ITPR1: variants seen among roughly 807,000 people sequenced by gnomAD.
ITPR1 encodes the protein inositol 1,4,5-trisphosphate-gated calcium channel ITPR1.
ITPR1 carries 96 observed loss-of-function variants against 318.4 expected under a neutral mutation model. The observed-to-expected ratio is 0.30, with a 90% CI of 0.26 to 0.36. ITPR1 has a LOEUF of 0.36. Among genes scored for constraint, ITPR1 ranks in the 10% least tolerant of loss-of-function variants. The pLI is 1.00. For synonymous variants in ITPR1, 1,312 were observed against 1,289.9 expected, an observed-to-expected ratio of 1.02 and a Z score of -0.37; for missense variants, 2,440 against 3,460.2, an observed-to-expected ratio of 0.71 and a Z score of 7.40.
intron 4 of ITPR1, among the ~76,000 whole-genome samples, chr3:4,571,107 A>C (rs1328157481): frequency 1.3e-5 from 2 of 152,144 alleles, no homozygotes; most frequent in Non-Finnish European, 2.9e-5. Flanking sequence ...TGTTTGTGTC[A>C]TATCTGCTGA....
At chr3:4,551,667 C>G (rs1198343072) in intron 4 of ITPR1, among the ~76,000 whole-genome samples, 1 of 152,208 alleles carries the variant, frequency 6.6e-6, no homozygotes, top group Non-Finnish European at 1.5e-5. Context: ...ACTATATTTA[C>G]AGCATGTGTT....
At chr3:4,805,712 G>A (rs145188341) in intron 54 of ITPR1, among the ~76,000 whole-genome samples, 63 of 152,304 alleles carry the variant, frequency 4.1e-4, no homozygotes, top group African/African-American at 1.3e-3. Flanking sequence ...AAATGCTTTT[G>A]ATCATGCTGA....
chr3:4,692,237 T>C (rs2094491895), intron 32 of ITPR1, among the ~76,000 whole-genome samples: 1 of 152,084 alleles, frequency 6.6e-6, no homozygotes, highest in Non-Finnish European at 1.5e-5. Flanking sequence ...GATACATTAC[T>C]TGACCTTTCA....
In ITPR1 at chr3:4,814,449, C is replaced by A; in HGVS notation, c.7588C>A (p.Gln2530Lys). 1 of 1,613,934 alleles carries A rather than the reference C, an allele frequency of 6.2e-7. No individual in the cohort carries two copies. The highest frequency in any genetic ancestry group is 8.5e-7 in the Non-Finnish European group (1 of 1,179,876). Reference sequence around the variant, plus strand: ...GCTGGTCCCTGCAGAAGAGACGGAACAGGATAAAGAGCACACATGTGAGAC... The same window carrying A: ...GCTGGTCCCTGCAGAAGAGACGGAAAAGGATAAAGAGCACACATGTGAGAC... ...EELVPAEETEQDKEHTCETLL... is the reference protein window; with the variant it reads ...EELVPAEETEKDKEHTCETLL... The change falls in exon 58 of 62, where the codon CAG becomes AAG. Residue 2530 changes from glutamine (Q) to lysine (K), a missense_variant. Coordinates refer to ENST00000649015, the MANE Select transcript of ITPR1 (RefSeq NM_001378452.1).
At chr3:4,652,731 G>C (rs2093623474) in intron 11 of ITPR1, among the ~76,000 whole-genome samples, 1 of 152,178 alleles carries the variant, frequency 6.6e-6, no homozygotes, top group South Asian at 2.1e-4. Context: ...TTAAATGTCT[G>C]TGAAGGGGCC....
chr3:4,686,378 T>C (rs1173390916), intron 30 of ITPR1, among the ~76,000 whole-genome samples: 2 of 152,248 alleles, frequency 1.3e-5, no homozygotes, highest in Admixed American at 1.3e-4. Context: ...AATACCTAGC[T>C]AACTTGTAGT....
At position 4,645,412 on chromosome 3, in the gene ITPR1, G is replaced by T; in HGVS notation, c.650G>T (p.Ser217Ile). ...NEVNSVNCNT[S>I]WKIVLFMKWS... ...GTCAATTCCGTCAACTGCAATACAA[G>T]CTGGAAAATAGTCCTTTTCATGAAA... The change falls in exon 9 of 62, where the codon AGC becomes ATC. Residue 217 changes from serine (S) to isoleucine (I), a missense_variant. Transcript: ENST00000649015. 6.2e-7 allele frequency: 1 copy of T among 1,613,344 alleles called. No individual in the cohort carries two copies. Among genetic ancestry groups the T allele is most frequent in the Non-Finnish European group, 8.5e-7 (1 of 1,179,406 alleles).
At chr3:4,526,592 A>G (rs1293776926) in intron 4 of ITPR1, among the ~76,000 whole-genome samples, 8 of 152,228 alleles carry the variant, frequency 5.3e-5, no homozygotes, top group African/African-American at 1.4e-4. Context: ...ACAATAGCCA[A>G]TGTTAATACA....
At chr3:4,582,242 A>G (rs771061733) in intron 4 of ITPR1, among the ~76,000 whole-genome samples, 3 of 152,128 alleles carry the variant, frequency 2.0e-5, no homozygotes, top group South Asian at 2.1e-4. Flanking sequence ...TCCCCTTAGC[A>G]TATGCGCTTT....
At chr3:4,765,535 A>T (rs894685870) in intron 44 of ITPR1, among the ~76,000 whole-genome samples, 1 of 152,098 alleles carries the variant, frequency 6.6e-6, no homozygotes, top group African/African-American at 2.4e-5. Context: ...AGGTGATAAG[A>T]TTTAAGTTCT....
At chr3:4,790,480 G>C (rs2047484868) in intron 52 of ITPR1, among the ~76,000 whole-genome samples, 1 of 152,150 alleles carries the variant, frequency 6.6e-6, no homozygotes, top group Non-Finnish European at 1.5e-5. Flanking sequence ...ATTTTAATTG[G>C]CTTCAAAACT....
chr3:4,760,986 C>T (rs2045399879), intron 44 of ITPR1, among the ~76,000 whole-genome samples: 1 of 152,204 alleles, frequency 6.6e-6, no homozygotes, highest in African/African-American at 2.4e-5. Flanking sequence ...ATGGACATGT[C>T]TGCGGGGACC....
At chr3:4,567,846 C>T (rs899812940) in intron 4 of ITPR1, among the ~76,000 whole-genome samples, 6 of 152,132 alleles carry the variant, frequency 3.9e-5, no homozygotes, top group Non-Finnish European at 8.8e-5. Context: ...TCAAGCGATC[C>T]ACCTGCCCTG....
At chr3:4,636,928 C>T (rs139348093) in intron 5 of ITPR1, among the ~76,000 whole-genome samples, 1 of 152,330 alleles carries the variant, frequency 6.6e-6, no homozygotes, top group East Asian at 1.9e-4. Context: ...GAACCAGTAA[C>T]CATTGCGTTG....
chr3:4,689,906 C>A (rs1183963442), intron 31 of ITPR1, among the ~76,000 whole-genome samples: 1 of 152,168 alleles, frequency 6.6e-6, no homozygotes, highest in Non-Finnish European at 1.5e-5. Context: ...ATTTGCGATG[C>A]ACGTTCTCAA....
chr3:4,604,052 T>C (rs921334394), intron 4 of ITPR1, among the ~76,000 whole-genome samples: 1 of 152,150 alleles, frequency 6.6e-6, no homozygotes, highest in East Asian at 1.9e-4. Flanking sequence ...TGGTATCTCA[T>C]TGTAGTTTTG....
chr3:4,687,213 C>T lies in ITPR1; in HGVS notation c.3703-1282C>T, dbSNP rs753853486. Among the ~76,000 whole-genome samples the T allele has an allele frequency of 9.2e-5, 14 of 152,342 alleles. No individual in the cohort carries two copies. The East Asian group carries it at 2.7e-3, about 29-fold the overall frequency. Reference sequence around the variant, plus strand: ...ACCTACATAATGTCCTTGATACTCCCTCTCTACCCACAAAGCCCAAAGTAT... The same window carrying T: ...ACCTACATAATGTCCTTGATACTCCTTCTCTACCCACAAAGCCCAAAGTAT... On this transcript the variant is annotated intron_variant, in intron 30 of 61. Transcript: ENST00000649015.
At chr3:4,843,139 C>G (rs1365248987) in intron 61 of ITPR1, among the ~76,000 whole-genome samples, 3 of 118,676 alleles carry the variant, frequency 2.5e-5, no homozygotes, top group African/African-American at 9.6e-5. Flanking sequence ...AAAGGCCAAA[C>G]ACTTTAGCAG....
intron 4 of ITPR1, among the ~76,000 whole-genome samples, chr3:4,531,262 G>A (rs979366194): frequency 1.3e-5 from 2 of 152,162 alleles, no homozygotes; most frequent in African/African-American, 2.4e-5. Flanking sequence ...ATGTTGCTTC[G>A]TGGGAATAAA....
Sources: gnomAD v4.1 joint callset for allele counts (sites outside exome capture counted in the v4.1 genomes callset) on GRCh38, gnomAD v4.1.1 for gene constraint, MANE v1.5 for transcripts, NCBI Gene and HGNC (gene_info 2026-07-23, HGNC 2026-07-21) for gene names.